The following COLEC11 variants were observed in gnomAD, a reference collection of about 807,000 sequenced individuals.
COLEC11 encodes collectin-11.
COLEC11 carries 20 observed loss-of-function variants against 27.3 expected under a neutral mutation model. The ratio of observed to expected loss-of-function variants is 0.73; its 90% CI spans 0.51 to 1.06. The LOEUF (loss-of-function observed/expected upper bound fraction) is 1.06, where lower values mean the gene tolerates loss of function less well. COLEC11 is among the 50% of genes least tolerant of loss of function. The pLI is 0.00. For synonymous variants in COLEC11, 163 were observed against 154.7 expected (o/e 1.05, Z -0.40); for missense variants, 310 against 383.0 (o/e 0.81, Z 1.59).
intron 2 of COLEC11, among the ~76,000 whole-genome samples, chr2:3,607,592 C>T (rs1220575263): frequency 2.0e-5 from 3 of 151,616 alleles, no homozygotes; most frequent in Non-Finnish European, 2.9e-5. Context: ...GGACTATAGG[C>T]GCGCACCATC....
At chr2:3,605,177 G>C in intron 2 of COLEC11, 1 of 460,360 alleles carries the variant, frequency 2.2e-6, no homozygotes, top group Non-Finnish European at 4.5e-6. Flanking sequence ...TGGGCCCCTT[G>C]TTCAAAATTA....
At position 3,602,532 on chromosome 2, in the gene COLEC11, A is replaced by G. The variant is rs1288315718; in HGVS notation, c.-26-1783A>G. ...CATACCTCTGTCATCACCTCCACCC[A>G]CACGTGGGGTCCAGCTGCCATCCTC... On this transcript the variant is annotated intron_variant, in intron 1 of 6. Transcript: ENST00000349077. This position sits in a 1 kb window ranked among gnomAD's most constrained non-coding sequence, Gnocchi z 6.2. 6.6e-6 allele frequency among the ~76,000 whole-genome samples: 1 copy of G among 151,928 alleles called. No individual in the cohort carries two copies. Among genetic ancestry groups the G allele is most frequent in the Non-Finnish European group, 1.5e-5 (1 of 67,968 alleles).
chr2:3,596,666 T>A (rs1231170355), intron 1 of COLEC11, among the ~76,000 whole-genome samples: 1 of 152,182 alleles, frequency 6.6e-6, no homozygotes, highest in Non-Finnish European at 1.5e-5. Context: ...TAACATGTAT[T>A]TCCTCTCAGG....
At chr2:3,636,314 G>T (rs1665413278) in intron 3 of COLEC11, among the ~76,000 whole-genome samples, 1 of 152,210 alleles carries the variant, frequency 6.6e-6, no homozygotes, top group South Asian at 2.1e-4. Context: ...AATTAGCCTG[G>T]CGTGGTGGCG....
intron 5 of COLEC11, chr2:3,641,283 GGT>G: frequency 2.3e-6 from 3 of 1,304,120 alleles, no homozygotes; most frequent in Non-Finnish European, 2.0e-6. Flanking sequence ...CTGCTTGGAA[GGT>G]GTGCTTGCCG....
intron 1 of COLEC11, among the ~76,000 whole-genome samples, chr2:3,599,406 G>C (rs1662069832): frequency 6.6e-6 from 1 of 152,192 alleles, no homozygotes; most frequent in Admixed American, 6.5e-5. Context: ...GCACTGTGCG[G>C]GGGACAGGCA....
chr2:3,601,168 G>A lies in COLEC11; in HGVS notation c.-26-3147G>A, dbSNP rs373165567. The stretch of plus-strand genomic sequence containing the variant: ...TCCCACACGGGCAGGGGGCCTCGGC[G>A]TGGTGGCAGTGGAGCCGGGATTTGA... On this transcript the variant is annotated intron_variant, in intron 1 of 6. Transcript: ENST00000349077. Among the ~76,000 whole-genome samples, 8 of 152,236 alleles carry A rather than the reference G, an allele frequency of 5.3e-5. No individual in the cohort carries two copies. The East Asian group carries it at 1.3e-3, about 26-fold the overall frequency.
intron 1 of COLEC11, chr2:3,603,943 T>C: frequency 1.7e-6 from 1 of 572,754 alleles, no homozygotes; most frequent in Non-Finnish European, 3.1e-6. Flanking sequence ...TGTGCCCAGC[T>C]CTGCAGAGGC....
intron 2 of COLEC11, among the ~76,000 whole-genome samples, chr2:3,606,497 G>T (rs1433326978): frequency 6.6e-6 from 1 of 152,218 alleles, no homozygotes; most frequent in African/African-American, 2.4e-5. Context: ...TCGGCCTCCT[G>T]GTCCGTGAGG....
At chr2:3,626,867 A>G (rs975352506) in intron 3 of COLEC11, among the ~76,000 whole-genome samples, 2 of 152,186 alleles carry the variant, frequency 1.3e-5, no homozygotes, top group Non-Finnish European at 2.9e-5. Context: ...CCTGTGTGGT[A>G]GGCGGTGCCC....
At chr2:3,611,417 T>C (rs994988873) in intron 2 of COLEC11, among the ~76,000 whole-genome samples, 7 of 152,240 alleles carry the variant, frequency 4.6e-5, no homozygotes, top group Non-Finnish European at 1.0e-4. Context: ...CATTCACCGA[T>C]TGCACAGTCA....
At chr2:3,617,231 G>T (rs1033145161) in intron 3 of COLEC11, among the ~76,000 whole-genome samples, 1 of 151,654 alleles carries the variant, frequency 6.6e-6, no homozygotes, top group Admixed American at 6.6e-5. Context: ...GAAAAAAATG[G>T]CTCTCTGATT....
chr2:3,610,015 G>T (rs1055026578), intron 2 of COLEC11, among the ~76,000 whole-genome samples: 2 of 152,276 alleles, frequency 1.3e-5, no homozygotes, highest in Non-Finnish European at 2.9e-5. Flanking sequence ...GCAGGTGGAG[G>T]TTGGTCAGAA....
intron 1 of COLEC11, chr2:3,604,000 C>CT (rs1662436168): frequency 1.1e-5 from 6 of 566,968 alleles, no homozygotes; most frequent in Non-Finnish European, 1.9e-5. Flanking sequence ...CTACTCCACT[C>CT]TGTGTAGGAA....
intron 3 of COLEC11, among the ~76,000 whole-genome samples, chr2:3,628,005 T>C (rs558825197): frequency 6.6e-6 from 1 of 152,344 alleles, no homozygotes; most frequent in South Asian, 2.1e-4. Flanking sequence ...TGTTTTCAAC[T>C]TCTGACATCA....
chr2:3,595,885 C>G (rs985029338), intron 1 of COLEC11, among the ~76,000 whole-genome samples: 3 of 152,198 alleles, frequency 2.0e-5, no homozygotes, highest in African/African-American at 7.2e-5. Flanking sequence ...ATGTGCATAG[C>G]TGGAATTTTG....
Position 3,602,774 on chromosome 2 carries a change from C to T in COLEC11, c.-26-1541C>T, listed in dbSNP as rs947050553. Among the ~76,000 whole-genome samples, 13 of 152,212 alleles carry T rather than the reference C, an allele frequency of 8.5e-5. No homozygotes were observed. Among genetic ancestry groups the T allele is most frequent in the Admixed American group, 3.3e-4 (5 of 15,290 alleles). On this transcript the variant is annotated intron_variant, in intron 1 of 6. Coordinates refer to ENST00000349077, the MANE Select transcript of COLEC11 (RefSeq NM_024027.5). The surrounding 1 kb of genome is among the most constrained non-coding windows in gnomAD (Gnocchi z 6.2). The stretch of plus-strand genomic sequence containing the variant: ...CCAGCCCACCTCTCCCCGCACTGTC[C>T]GGCATGCACTGCCTCAAGGCTTTCT...
rs558881621 is a variant in COLEC11 at position 3,597,524 on chromosome 2, G to A, written c.-27+2356G>A. ...GCTCACTACTCACCCCTTTTCTTGG[G>A]AGACGGAGCCTGATCTTTGTTGAAG... On this transcript the variant is annotated intron_variant, in intron 1 of 6. Transcript: ENST00000349077. Among the ~76,000 whole-genome samples the A allele has an allele frequency of 5.6e-4, 85 of 152,354 alleles. No individual in the cohort carries two copies. The Middle Eastern group carries it at 0.01, about 18-fold the overall frequency.
chr2:3,606,270 G>C (rs1189427536), intron 2 of COLEC11: 2 of 1,534,970 alleles, frequency 1.3e-6, no homozygotes, highest in South Asian at 1.2e-5. Context: ...GGTGGGGGCC[G>C]TGGGGTGGGC....
Sources: allele counts gnomAD v4.1 joint callset (sites outside exome capture counted in the v4.1 genomes callset), GRCh38; gene constraint gnomAD v4.1.1; non-coding constraint Gnocchi (gnomAD v3.1); transcripts MANE v1.5; gene names NCBI Gene and HGNC (gene_info 2026-07-23, HGNC 2026-07-21).